LPXN: variants seen among roughly 807,000 people sequenced by gnomAD.
The protein encoded by LPXN is leupaxin.
A neutral mutation model predicts 45.6 loss-of-function variants in LPXN; 28 were observed. The ratio of observed to expected loss-of-function variants is 0.61; its 90% CI spans 0.45 to 0.84. LPXN has a LOEUF of 0.84. Among genes scored for constraint, LPXN ranks in the 40% least tolerant of loss-of-function variants. The probability of loss-of-function intolerance (pLI) is 0.00; values close to 1 mark genes in which losing one functional copy is unlikely to be tolerated. For synonymous variants in LPXN, 166 were observed against 169.9 expected, an observed-to-expected ratio of 0.98 and a Z score of 0.18; for missense variants, 459 against 475.0, an observed-to-expected ratio of 0.97 and a Z score of 0.31.
intron 2 of LPXN, among the ~76,000 whole-genome samples, chr11:58,569,246 T>C (rs1312003551): frequency 1.3e-5 from 2 of 152,230 alleles, no homozygotes; most frequent in Non-Finnish European, 2.9e-5. Context: ...CTTACACTAA[T>C]TCCATTCTCA....
At chr11:58,552,430 A>G (rs1417955625) in intron 4 of LPXN, among the ~76,000 whole-genome samples, 1 of 152,152 alleles carries the variant, frequency 6.6e-6, no homozygotes, top group Non-Finnish European at 1.5e-5. Flanking sequence ...TACTTCACTC[A>G]TCAGAAAACT....
At chr11:58,573,080 T>C (rs928330008) in intron 1 of LPXN, among the ~76,000 whole-genome samples, 13 of 151,880 alleles carry the variant, frequency 8.6e-5, no homozygotes, top group Non-Finnish European at 1.9e-4. Context: ...AACCCGTCTC[T>C]ACTAAAAACA....
At chr11:58,541,170 A>C (rs1221962972) in intron 7 of LPXN, among the ~76,000 whole-genome samples, 1 of 152,228 alleles carries the variant, frequency 6.6e-6, no homozygotes, top group Non-Finnish European at 1.5e-5. Context: ...AATGGCAACA[A>C]AAGCCAAAAT....
At chr11:58,540,468 C>T (rs1364360562) in intron 7 of LPXN, among the ~76,000 whole-genome samples, 2 of 152,066 alleles carry the variant, frequency 1.3e-5, no homozygotes, top group Admixed American at 1.3e-4. Context: ...TTTAAAAAGA[C>T]CTTCTCAGCT....
intron 3 of LPXN, among the ~76,000 whole-genome samples, chr11:58,562,386 T>C (rs1283363003): frequency 6.6e-6 from 1 of 152,210 alleles, no homozygotes; most frequent in Non-Finnish European, 1.5e-5. Context: ...TATGCTAGCC[T>C]TGCCAGCTCA....
At chr11:58,555,572 A>G (rs1473095218) in intron 3 of LPXN, among the ~76,000 whole-genome samples, 3 of 152,204 alleles carry the variant, frequency 2.0e-5, no homozygotes, top group Non-Finnish European at 2.9e-5. Context: ...AAAGCTCAAT[A>G]AATTTTTAAA....
chr11:58,578,001 G>T (rs1171528791), upstream of LPXN: 2 of 1,550,486 alleles, frequency 1.3e-6, no homozygotes, highest in Admixed American at 2.0e-5. Flanking sequence ...GGAGCTCACA[G>T]GTGAGTGACT....
At chr11:58,540,246 T>G (rs1013992076) in intron 7 of LPXN, among the ~76,000 whole-genome samples, 11 of 152,148 alleles carry the variant, frequency 7.2e-5, no homozygotes, top group African/African-American at 2.4e-4. Flanking sequence ...GGTTCTGGAT[T>G]CATTAACAAA....
intron 7 of LPXN, 123 bp downstream of exon 7, chr11:58,549,663 C>T: frequency 1.4e-6 from 1 of 700,514 alleles, no homozygotes; most frequent in South Asian, 1.7e-5. Context: ...GTATCTAGTA[C>T]TGAAATGGGC....
At chr11:58,527,851 T>C in intron 8 of LPXN, 128 bp from the exon 9 acceptor site, 4 of 1,156,968 alleles carry the variant, frequency 3.5e-6, no homozygotes, top group Non-Finnish European at 4.9e-6. Context: ...CTCAGGTTCT[T>C]GACAAATGGA....
Position 58,527,121 on chromosome 11 carries a change from G to A in LPXN, c.*333C>T, listed in dbSNP as rs1853248012. The A allele has an allele frequency of 4.3e-6, 1 of 230,312 alleles. No homozygotes were observed. The highest frequency in any genetic ancestry group is 2.2e-5 in the African/African-American group (1 of 44,648). The allele number at this position is 230,312 out of a possible 1,614,324, so 14.3% of individuals were successfully genotyped here. ...AGGGCCATCACTAGAGGTGAAAATG[G>A]AGAAACCTAAGAAAACCAGTGTTGG... On this transcript the variant is annotated 3_prime_UTR_variant, in exon 9 of 9. Coordinates refer to ENST00000395074, the MANE Select transcript of LPXN (RefSeq NM_004811.3).
chr11:58,535,343 C>T (rs537768027), intron 7 of LPXN, among the ~76,000 whole-genome samples: 1 of 152,280 alleles, frequency 6.6e-6, no homozygotes, highest in South Asian at 2.1e-4. Context: ...CAGCTTCATA[C>T]CTGGGACGCA....
intron 5 of LPXN, among the ~76,000 whole-genome samples, 183 bp downstream of exon 5, chr11:58,550,882 T>C (rs1341068788): frequency 6.6e-6 from 1 of 152,226 alleles, no homozygotes; most frequent in East Asian, 1.9e-4. Context: ...CTTGAAGGGC[T>C]GATGTGACCA....
intron 7 of LPXN, among the ~76,000 whole-genome samples, chr11:58,547,503 T>A (rs1853910960): frequency 6.6e-6 from 1 of 152,152 alleles, no homozygotes; most frequent in Admixed American, 6.5e-5. Flanking sequence ...CCTAGACAAG[T>A]TAGACCTTCC....
chr11:58,544,874 G>C (rs926577535), intron 7 of LPXN, among the ~76,000 whole-genome samples: 11 of 152,154 alleles, frequency 7.2e-5, no homozygotes, highest in African/African-American at 2.7e-4. Flanking sequence ...ATCCCTGTGG[G>C]AGGATGCCAA....
intron 7 of LPXN, among the ~76,000 whole-genome samples, chr11:58,530,364 G>A (rs1195223963): frequency 6.6e-6 from 1 of 152,174 alleles, no homozygotes; most frequent in South Asian, 2.1e-4. Flanking sequence ...TTGGTGGAGG[G>A]AGAAGCATCC....
chr11:58,571,056 A>G (rs548575443), intron 1 of LPXN, among the ~76,000 whole-genome samples: 10 of 152,166 alleles, frequency 6.6e-5, no homozygotes, highest in Non-Finnish European at 1.3e-4. Flanking sequence ...AAAAAATAAA[A>G]CTGGGCTGGG....
intron 1 of LPXN, among the ~76,000 whole-genome samples, chr11:58,574,881 T>C (rs183678226): frequency 3.3e-5 from 5 of 152,140 alleles, no homozygotes; most frequent in South Asian, 4.1e-4. Context: ...AAGATATTTT[T>C]TGTTGTTGTT....
chr11:58,540,868 T>C (rs2510549), intron 7 of LPXN, among the ~76,000 whole-genome samples: 145,570 of 152,196 alleles, frequency 0.96, 69,779 homozygotes, highest in Middle Eastern at 0.99. Flanking sequence ...CACAAATCAA[T>C]GAATAGCCGC....
Sources: gnomAD v4.1 joint callset for allele counts (sites outside exome capture counted in the v4.1 genomes callset) on GRCh38, gnomAD v4.1.1 for gene constraint, MANE v1.5 for transcripts, NCBI Gene and HGNC (gene_info 2026-07-23, HGNC 2026-07-21) for gene names.